FUT8: variants seen among roughly 807,000 people sequenced by gnomAD.
FUT8 encodes alpha-(1,6)-fucosyltransferase.
A neutral mutation model predicts 71.3 loss-of-function variants in FUT8; 29 were observed. The ratio of observed to expected loss-of-function variants is 0.41; its 90% CI spans 0.30 to 0.55. The LOEUF is 0.55. FUT8 is among the 20% of genes least tolerant of loss of function. FUT8 has a pLI of 0.34. For synonymous variants in FUT8, 254 were observed against 239.3 expected, an observed-to-expected ratio of 1.06 and a Z score of -0.57; for missense variants, 544 against 702.1, an observed-to-expected ratio of 0.77 and a Z score of 2.55.
intron 2 of FUT8, among the ~76,000 whole-genome samples, chr14:65,548,987 G>A (rs1885132329): frequency 6.6e-6 from 1 of 152,146 alleles, no homozygotes; most frequent in Non-Finnish European, 1.5e-5. Flanking sequence ...CAGATGTTCA[G>A]TGTCATTTGT....
chr14:65,394,419 G>T, the FUT8 span, among the ~76,000 whole-genome samples: 1 of 152,186 alleles, frequency 6.6e-6, no homozygotes, highest in Non-Finnish European at 1.5e-5. Context: ...AGATTTGGGT[G>T]GGGGCACAGC....
intron 10 of FUT8, among the ~76,000 whole-genome samples, chr14:65,739,128 G>A (rs751121386): frequency 2.0e-5 from 3 of 151,904 alleles, no homozygotes; most frequent in African/African-American, 7.3e-5. Context: ...TACCTCACAG[G>A]TTTGTCATAA....
intron 2 of FUT8, among the ~76,000 whole-genome samples, chr14:65,526,980 C>T: frequency 6.6e-6 from 1 of 152,230 alleles, no homozygotes; most frequent in Non-Finnish European, 1.5e-5. Flanking sequence ...ACCTTTCTCT[C>T]TGGCTGCCCT....
intron 7 of FUT8, among the ~76,000 whole-genome samples, chr14:65,694,098 A>G (rs974736461): frequency 2.0e-5 from 3 of 152,252 alleles, no homozygotes; most frequent in East Asian, 3.8e-4. Context: ...AGTTAGCCTC[A>G]CTAGAGGTTT....
At position 65,427,993 on chromosome 14, in the gene FUT8, A is replaced by C. The variant is rs74056766; in HGVS notation, c.-326+14779A>C. The stretch of plus-strand genomic sequence containing the variant: ...TGATTCTGTTTAGTAATGGGAATGA[A>C]TGGATAAAGTACAAAAGCTTTGAAC... On this transcript the variant is annotated intron_variant, in intron 1 of 10. Coordinates refer to ENST00000673929, the MANE Select transcript of FUT8 (RefSeq NM_001371533.1). Among the ~76,000 whole-genome samples, 1,502 of 152,304 alleles carry C rather than the reference A, an allele frequency of 9.9e-3. 18 individuals carry two copies. Among genetic ancestry groups the C allele is most frequent in the African/African-American group, 0.031 (1,282 of 41,554 alleles).
intron 7 of FUT8, among the ~76,000 whole-genome samples, chr14:65,711,220 A>T (rs1487784015): frequency 1.3e-5 from 2 of 152,214 alleles, no homozygotes; most frequent in Non-Finnish European, 2.9e-5. Context: ...AGAATAAAAA[A>T]CTGAGTTCTC....
intron 2 of FUT8, among the ~76,000 whole-genome samples, chr14:65,484,551 G>A (rs1160723329): frequency 6.6e-6 from 1 of 152,016 alleles, no homozygotes. Context: ...GCACACACCT[G>A]TAGTCCCAGT....
At chr14:65,407,168 T>C (rs1409186021), upstream of FUT8, among the ~76,000 whole-genome samples, 1 of 152,180 alleles carries the variant, frequency 6.6e-6, no homozygotes, top group Non-Finnish European at 1.5e-5. Context: ...TGTGATGTGG[T>C]TACAAAAAAG....
intron 3 of FUT8, among the ~76,000 whole-genome samples, chr14:65,584,143 G>A (rs895505985): frequency 6.6e-6 from 1 of 150,740 alleles, no homozygotes; most frequent in Admixed American, 6.6e-5. Context: ...ACCTCCCAAA[G>A]TGCTGAGATT....
intron 9 of FUT8, among the ~76,000 whole-genome samples, chr14:65,725,553 T>G (rs894108172): frequency 2.0e-5 from 3 of 152,224 alleles, no homozygotes; most frequent in Admixed American, 6.5e-5. Context: ...GCTCAGATAC[T>G]ATCTCCTCCA....
chr14:65,598,777 T>G (rs1003011404), intron 3 of FUT8, among the ~76,000 whole-genome samples: 3 of 152,178 alleles, frequency 2.0e-5, no homozygotes, highest in Admixed American at 1.3e-4. Flanking sequence ...TACAAATACT[T>G]TGATGGTTCT....
At chr14:65,621,983 C>T (rs1594828045) in intron 5 of FUT8, among the ~76,000 whole-genome samples, 1 of 152,100 alleles carries the variant, frequency 6.6e-6, no homozygotes, top group Admixed American at 6.5e-5. Context: ...GCCACCATGC[C>T]TGGCTAATTT....
chr14:65,527,236 A>G (rs185722382), intron 2 of FUT8, among the ~76,000 whole-genome samples: 6 of 152,206 alleles, frequency 3.9e-5, no homozygotes, highest in Admixed American at 3.9e-4. Context: ...ACATAGTCCC[A>G]TGTTTCTTGG....
At chr14:65,503,236 G>A (rs952759223) in intron 2 of FUT8, among the ~76,000 whole-genome samples, 13 of 152,188 alleles carry the variant, frequency 8.5e-5, no homozygotes, top group Non-Finnish European at 1.5e-5. Context: ...GCGTGAGACT[G>A]CTTGGTAATT....
chr14:65,458,451 C>G (rs1382548264), intron 2 of FUT8, among the ~76,000 whole-genome samples: 2 of 145,446 alleles, frequency 1.4e-5, no homozygotes, highest in East Asian at 3.9e-4. Context: ...TAGAAACTGT[C>G]TTTCTGCCTT....
chr14:65,376,200 A>G, the FUT8 span, among the ~76,000 whole-genome samples: 3 of 152,358 alleles, frequency 2.0e-5, no homozygotes, highest in African/African-American at 4.8e-5. Flanking sequence ...CTATTTGTCA[A>G]GTATGGTTTT....
At chr14:65,515,765 T>A (rs1432054668) in intron 2 of FUT8, among the ~76,000 whole-genome samples, 2 of 152,194 alleles carry the variant, frequency 1.3e-5, no homozygotes, top group Admixed American at 6.5e-5. Flanking sequence ...ATTGAAGGGT[T>A]ACAAAGTGAT....
At chr14:65,427,055 G>C (rs1025963334) in intron 1 of FUT8, among the ~76,000 whole-genome samples, 4 of 151,910 alleles carry the variant, frequency 2.6e-5, no homozygotes, top group Non-Finnish European at 5.9e-5. Context: ...GTAGAAACAG[G>C]GTTTCACCAT....
At chr14:65,436,890 G>A (rs543448633) in intron 1 of FUT8, among the ~76,000 whole-genome samples, 1 of 152,128 alleles carries the variant, frequency 6.6e-6, no homozygotes, top group Non-Finnish European at 1.5e-5. Flanking sequence ...CATTTAAAAA[G>A]CATTTTTCAA....
Sources: allele counts gnomAD v4.1 joint callset (sites outside exome capture counted in the v4.1 genomes callset), GRCh38; gene constraint gnomAD v4.1.1; transcripts MANE v1.5; gene names NCBI Gene and HGNC (gene_info 2026-07-23, HGNC 2026-07-21).